Variants in SDR42E2 observed in about 807,000 individuals in gnomAD.
The protein encoded by SDR42E2 is putative short-chain dehydrogenase/reductase family 42E member 2.
SDR42E2 carries 20 observed loss-of-function variants against 10.5 expected under a neutral mutation model. The observed-to-expected ratio is 1.90, with a 90% CI of 1.34 to 2.77. SDR42E2 has a LOEUF of 2.77. Ranked by LOEUF, SDR42E2 falls within the 30% of genes most tolerant of loss-of-function variation. The pLI, the probability that SDR42E2 is intolerant of heterozygous loss-of-function variation, is 0.00. For missense variants in SDR42E2, 162 were observed against 104.2 expected (o/e 1.55, Z -2.42); for synonymous variants, 72 against 39.2 (o/e 1.84, Z -3.12).
chr16:22,180,352 A>T (rs2046682329), intron 8 of SDR42E2, among the ~76,000 whole-genome samples: 3 of 151,998 alleles, frequency 2.0e-5, no homozygotes, highest in Admixed American at 6.6e-5. Context: ...GTGAGCTATG[A>T]TTGCACCACT....
chr16:22,174,196 G>A (rs1361557548), intron 7 of SDR42E2, among the ~76,000 whole-genome samples: 1 of 151,876 alleles, frequency 6.6e-6, no homozygotes, highest in Admixed American at 6.6e-5. Flanking sequence ...AGCTGGGCAT[G>A]GCAATGCGTC....
intron 12 of SDR42E2, among the ~76,000 whole-genome samples, chr16:22,187,556 C>T (rs2046744317): frequency 6.6e-6 from 1 of 150,556 alleles, no homozygotes; most frequent in African/African-American, 2.5e-5. Context: ...GATTGCACCA[C>T]TGTACTCCAG....
chr16:22,178,617 C>G (rs1292416144), intron 8 of SDR42E2, among the ~76,000 whole-genome samples: 1 of 152,134 alleles, frequency 6.6e-6, no homozygotes, highest in Non-Finnish European at 1.5e-5. Context: ...GGGCTATAGG[C>G]CCTGTCCTCG....
At chr16:22,175,177 G>GTA in intron 7 of SDR42E2, among the ~76,000 whole-genome samples, 1 of 152,032 alleles carries the variant, frequency 6.6e-6, no homozygotes, top group East Asian at 1.9e-4. Context: ...CAATAGAAAT[G>GTA]GGCCGGGCAT....
Position 22,170,850 on chromosome 16 carries a change from G to A in SDR42E2, c.412G>A (p.Val138Ile). ...LVIDVCVRRR[V>I]PRLIYTSTVN... ...TGCTGCAGTCTGTGTTCGCCGGCGGGTTCCAAGGCTCATCTATACCAGCAC... is the reference window on the plus strand; with the variant it reads ...TGCTGCAGTCTGTGTTCGCCGGCGGATTCCAAGGCTCATCTATACCAGCAC... Residue 138 changes from valine to isoleucine, a missense_variant, in exon 6 of 13, where the codon GTT becomes ATT. Transcript: ENST00000602312. The A allele has an allele frequency of 1.4e-6, 1 of 702,970 alleles. No homozygotes were observed. Among genetic ancestry groups the A allele is most frequent in the East Asian group, 2.7e-5 (1 of 37,282 alleles). The allele number at this position is 702,970 out of a possible 1,614,324, so 43.5% of individuals were successfully genotyped here.
chr16:22,188,777 A>T (rs1183402634), intron 12 of SDR42E2, among the ~76,000 whole-genome samples: 1 of 152,022 alleles, frequency 6.6e-6, no homozygotes, highest in African/African-American at 2.4e-5. Context: ...TCTGCTGGTC[A>T]ATCTGTGACA....
rs556721908 is a variant in SDR42E2, at chr16:22,163,432, G to A, written c.-37+868G>A. Among the ~76,000 whole-genome samples, 207 of 152,276 alleles carry A rather than the reference G, an allele frequency of 1.4e-3. 2 individuals carry two copies. Among genetic ancestry groups the A allele is most frequent in the Non-Finnish European group, 2.9e-4 (20 of 68,022 alleles). On this transcript the variant is annotated intron_variant, in intron 1 of 12. Coordinates refer to ENST00000602312, the MANE Select transcript of SDR42E2 (RefSeq NM_001394319.2). ...CATTAAATCCATGAGTGGGCTGGGCGCAGTGGCTCACGCCTGTAATCCCAG... is the reference window on the plus strand; with the variant it reads ...CATTAAATCCATGAGTGGGCTGGGCACAGTGGCTCACGCCTGTAATCCCAG...
intron 7 of SDR42E2, among the ~76,000 whole-genome samples, chr16:22,177,753 C>A (rs2046656873): frequency 6.6e-6 from 1 of 152,144 alleles, no homozygotes; most frequent in Non-Finnish European, 1.5e-5. Flanking sequence ...GTAGTACTCT[C>A]AAGGGGCATC....
At chr16:22,187,993 T>C (rs374310796) in intron 12 of SDR42E2, among the ~76,000 whole-genome samples, 2 of 151,494 alleles carry the variant, frequency 1.3e-5, no homozygotes, top group African/African-American at 4.9e-5. Flanking sequence ...CTACTCGGGA[T>C]GCTGAGGCAG....
chr16:22,173,903 GTGTATATATATATA>G (rs1296654164), intron 7 of SDR42E2, among the ~76,000 whole-genome samples: 13 of 112,772 alleles, frequency 1.2e-4, no homozygotes, highest in Non-Finnish European at 1.6e-4. Context: ...ATATGTGTGT[GTGTATATATATATA>G]TATATATATA....
intron 8 of SDR42E2, among the ~76,000 whole-genome samples, chr16:22,180,110 C>T (rs1349463067): frequency 6.6e-6 from 1 of 152,070 alleles, no homozygotes; most frequent in Non-Finnish European, 1.5e-5. Flanking sequence ...GAGATGAAGT[C>T]ACAGAGGAGC....
chr16:22,164,008 G>A (rs1465218792), intron 1 of SDR42E2, among the ~76,000 whole-genome samples: 1 of 150,342 alleles, frequency 6.7e-6, no homozygotes, highest in Non-Finnish European at 1.5e-5. Flanking sequence ...CTGTTGTTAC[G>A]GTTAATGATC....
intron 1 of SDR42E2, among the ~76,000 whole-genome samples, chr16:22,164,775 G>A (rs1348685392): frequency 6.6e-6 from 1 of 152,140 alleles, no homozygotes; most frequent in Admixed American, 6.5e-5. Context: ...TTGGATCCAT[G>A]TGGATTCTCC....
chr16:22,173,108 G>C (rs1454204470), intron 7 of SDR42E2, among the ~76,000 whole-genome samples: 1 of 152,022 alleles, frequency 6.6e-6, no homozygotes, highest in East Asian at 1.9e-4. Flanking sequence ...TGCCTCTTCT[G>C]GTTATAGATG....
chr16:22,190,733 AG>A lies in SDR42E2; in HGVS notation c.*341del, dbSNP rs1360194853. 1 of 277,620 alleles carries A rather than the reference AG, an allele frequency of 3.6e-6. No individual in the cohort carries two copies. Among genetic ancestry groups the A allele is most frequent in the Admixed American group, 5.5e-5 (1 of 18,080 alleles). The allele number at this position is 277,620 out of a possible 1,614,324, so 17.2% of individuals were successfully genotyped here. A position where few individuals can be genotyped will look rare whatever the true frequency, so the allele number is the denominator to read the frequency against. ...TGGTCGGCCCAGACGCGTAGCCCCG[AG>A]TCTCTTTCCATGTTTTGACCACGCC... On this transcript the variant is annotated 3_prime_UTR_variant, in exon 13 of 13. Transcript: ENST00000602312.
intron 2 of SDR42E2, 57 bp downstream of exon 2, chr16:22,165,694 G>C (rs2046528954): frequency 2.5e-6 from 1 of 402,022 alleles, no homozygotes; most frequent in Non-Finnish European, 4.4e-6. Flanking sequence ...TCCAAGGTCT[G>C]GCTCAGGGTC....
At chr16:22,178,017 T>A (rs2046659496) in intron 7 of SDR42E2, 113 bp from the exon 8 acceptor site, 1 of 596,298 alleles carries the variant, frequency 1.7e-6, no homozygotes, top group Non-Finnish European at 3.0e-6. Context: ...CCTGGGCCGG[T>A]CTTCCCCTCT....
chr16:22,164,051 G>C (rs933453838), intron 1 of SDR42E2, among the ~76,000 whole-genome samples: 1 of 151,264 alleles, frequency 6.6e-6, no homozygotes, highest in African/African-American at 2.4e-5. Context: ...TCATCCTCAG[G>C]TGGAGAGGGA....
intron 8 of SDR42E2, among the ~76,000 whole-genome samples, chr16:22,179,303 TTTGAG>T (rs2046672825): frequency 6.6e-6 from 1 of 150,962 alleles, no homozygotes; most frequent in Non-Finnish European, 1.5e-5. Flanking sequence ...TTTTTTTTCT[TTTGAG>T]TTAACTGGGT....
Sources: allele counts gnomAD v4.1 joint callset (sites outside exome capture counted in the v4.1 genomes callset), GRCh38; gene constraint gnomAD v4.1.1; transcripts MANE v1.5; gene names NCBI Gene and HGNC (gene_info 2026-07-23, HGNC 2026-07-21).